Variants in ENTREP2 observed in about 807,000 individuals in gnomAD.
ENTREP2 encodes endosomal transmembrane epsin interactor 2.
At chr15:29,159,391 T>C in the ENTREP2 span, among the ~76,000 whole-genome samples, 2 of 152,250 alleles carry the variant, frequency 1.3e-5, no homozygotes, top group East Asian at 1.9e-4. Flanking sequence ...AGCAGCAAGA[T>C]TTATTGCAAA....
At chr15:29,131,924 G>A in the ENTREP2 span, among the ~76,000 whole-genome samples, 121 of 20,796 alleles carry the variant, frequency 5.8e-3, no homozygotes, top group African/African-American at 0.011. Flanking sequence ...TCAAACCACA[G>A]GAAAGAGAAT....
At chr15:29,472,527 C>A in the ENTREP2 span, among the ~76,000 whole-genome samples, 1 of 151,808 alleles carries the variant, frequency 6.6e-6, no homozygotes, top group Non-Finnish European at 1.5e-5. Context: ...TGCAATGGCG[C>A]AATCTCGGCT....
At chr15:29,127,629 C>G in the ENTREP2 span, among the ~76,000 whole-genome samples, 2 of 152,182 alleles carry the variant, frequency 1.3e-5, no homozygotes, top group African/African-American at 2.4e-5. Flanking sequence ...CCCCTGTACC[C>G]CAGCAGAAGC....
chr15:29,396,464 C>G, the ENTREP2 span, among the ~76,000 whole-genome samples: 20 of 152,088 alleles, frequency 1.3e-4, no homozygotes, highest in African/African-American at 4.6e-4. Flanking sequence ...GTGTTCTTTA[C>G]TTTTTTGTTA....
chr15:29,382,668 G>T, the ENTREP2 span, among the ~76,000 whole-genome samples: 1 of 152,048 alleles, frequency 6.6e-6, no homozygotes, highest in East Asian at 1.9e-4. Context: ...TGTGACTTCT[G>T]TCCCTTAGAA....
At chr15:29,633,785 A>ACT in the ENTREP2 span, among the ~76,000 whole-genome samples, 43,094 of 151,734 alleles carry the variant, frequency 0.28, 9,237 homozygotes, top group African/African-American at 0.61. Flanking sequence ...AAATGGTGAA[A>ACT]CTGTCTCTAC....
the ENTREP2 span, among the ~76,000 whole-genome samples, chr15:29,393,911 T>C: frequency 6.6e-6 from 1 of 152,168 alleles, no homozygotes; most frequent in Admixed American, 6.6e-5. Context: ...AACAAAATGT[T>C]ATCCCAAATT....
chr15:29,157,386 C>G, the ENTREP2 span, among the ~76,000 whole-genome samples: 2 of 152,206 alleles, frequency 1.3e-5, no homozygotes, highest in Non-Finnish European at 2.9e-5. Context: ...AGGCTCCCTA[C>G]AGAAGAGGGC....
the ENTREP2 span, among the ~76,000 whole-genome samples, chr15:29,415,016 T>TA: frequency 1.3e-5 from 2 of 152,188 alleles, no homozygotes; most frequent in East Asian, 3.9e-4. Flanking sequence ...ATTAATAGCT[T>TA]ACCAACCAAA....
At chr15:29,366,003 A>T in the ENTREP2 span, among the ~76,000 whole-genome samples, 48 of 152,302 alleles carry the variant, frequency 3.2e-4, no homozygotes, top group Non-Finnish European at 5.1e-4. Context: ...GGACTGTTAG[A>T]TGACTTCCGT....
At chr15:29,241,086 T>C in the ENTREP2 span, among the ~76,000 whole-genome samples, 1 of 152,248 alleles carries the variant, frequency 6.6e-6, no homozygotes, top group East Asian at 1.9e-4. Flanking sequence ...TTTTAATTCA[T>C]TCAATGCTAT....
the ENTREP2 span, chr15:29,151,773 C>T: frequency 6.4e-7 from 1 of 1,551,762 alleles, no homozygotes; most frequent in East Asian, 2.4e-5. Context: ...GCATACAGCA[C>T]ATGGCTGTGG....
chr15:29,357,963 C>T, the ENTREP2 span, among the ~76,000 whole-genome samples: 1 of 152,198 alleles, frequency 6.6e-6, no homozygotes, highest in Non-Finnish European at 1.5e-5. Flanking sequence ...TCAAGGCATG[C>T]CATGAAGAAT....
At chr15:29,508,608 AAATGT>A in the ENTREP2 span, among the ~76,000 whole-genome samples, 1 of 152,188 alleles carries the variant, frequency 6.6e-6, no homozygotes, top group Non-Finnish European at 1.5e-5. Context: ...ACAAATCAAT[AAATGT>A]AATGTATCAC....
the ENTREP2 span, among the ~76,000 whole-genome samples, chr15:29,170,150 TA>T: frequency 6.6e-6 from 1 of 150,752 alleles, no homozygotes; most frequent in Middle Eastern, 3.5e-3. Flanking sequence ...CTACTAAAAA[TA>T]AAAAAAATTA....
the ENTREP2 span, chr15:29,128,952 C>G: frequency 1.2e-6 from 1 of 819,632 alleles, no homozygotes; most frequent in South Asian, 1.7e-5. Flanking sequence ...TTAAACTTGT[C>G]TCCTGGTGGG....
At chr15:29,217,489 A>C in the ENTREP2 span, among the ~76,000 whole-genome samples, 10,141 of 152,194 alleles carry the variant, frequency 0.067, 1,171 homozygotes, top group African/African-American at 0.23. Flanking sequence ...GATTGGGTTA[A>C]TTTGAAGACC....
chr15:29,540,272 G>A, the ENTREP2 span, among the ~76,000 whole-genome samples: 3 of 152,164 alleles, frequency 2.0e-5, no homozygotes, highest in East Asian at 5.8e-4. Context: ...TTCTCGCTAT[G>A]TTGAAATGTA....
the ENTREP2 span, among the ~76,000 whole-genome samples, chr15:29,400,121 CTT>C: frequency 3.9e-5 from 6 of 152,188 alleles, no homozygotes; most frequent in Non-Finnish European, 8.8e-5. Flanking sequence ...ATGTGTGACT[CTT>C]GTGCCCGTGC....
Sources: allele counts gnomAD v4.1 joint callset (sites outside exome capture counted in the v4.1 genomes callset), GRCh38; gene constraint gnomAD v4.1.1; transcripts MANE v1.5; gene names NCBI Gene and HGNC (gene_info 2026-07-23, HGNC 2026-07-21).